The following NRXN1 variants were observed in gnomAD, a reference collection of about 807,000 sequenced individuals.
NRXN1 encodes the protein neurexin 1, also known as neurexin-1.
A neutral mutation model predicts 150.9 loss-of-function variants in NRXN1; 39 were observed. The observed-to-expected ratio is 0.26, with a 90% CI of 0.20 to 0.34. NRXN1 has a LOEUF of 0.34. Among genes scored for constraint, NRXN1 ranks in the 10% least tolerant of loss-of-function variants. NRXN1 has a pLI of 1.00. For synonymous variants in NRXN1, 924 were observed against 757.0 expected (o/e 1.22, Z -3.62); for missense variants, 1,815 against 1,949.9 (o/e 0.93, Z 1.30).
chr2:50,238,202 G>A (rs376737535), intron 17 of NRXN1, among the ~76,000 whole-genome samples: 15 of 152,076 alleles, frequency 9.9e-5, no homozygotes, highest in Admixed American at 3.3e-4. Context: ...ACCCATTTTG[G>A]TTCTATTATT....
chr2:50,151,115 A>T (rs1375488013), intron 18 of NRXN1, among the ~76,000 whole-genome samples: 1 of 151,766 alleles, frequency 6.6e-6, no homozygotes, highest in Non-Finnish European at 1.5e-5. Context: ...GAAGCTGACA[A>T]GCTGAGAGAG....
intron 21 of NRXN1, among the ~76,000 whole-genome samples, chr2:50,043,982 G>C (rs1691419535): frequency 6.6e-6 from 1 of 152,094 alleles, no homozygotes; most frequent in Admixed American, 6.6e-5. Context: ...AAAAAAGGGA[G>C]AAAGAAGAGA....
rs34515222 is a variant in NRXN1, at chr2:50,745,299, GC to G, written c.833-121685del. ...CATGCTTATTTTTATATTTATATCT[GC>G]CCCCCCCCAGGACTGAAAAAAAACC... On this transcript the variant is annotated intron_variant, in intron 5 of 22. Coordinates refer to ENST00000401669, the MANE Select transcript of NRXN1 (RefSeq NM_001330078.2). Among the ~76,000 whole-genome samples the G allele has an allele frequency of 3.6e-3, 469 of 131,514 alleles. 6 individuals carry two copies. Among genetic ancestry groups the G allele is most frequent in the Middle Eastern group, 0.032 (8 of 248 alleles). 86.3% of individuals were successfully genotyped at this position (131,514 alleles called of 152,430 possible).
chr2:50,142,691 C>T (rs1479041910), intron 18 of NRXN1, among the ~76,000 whole-genome samples: 1 of 151,486 alleles, frequency 6.6e-6, no homozygotes, highest in South Asian at 2.1e-4. Flanking sequence ...TTCCTTAATG[C>T]TAAAAAATTT....
intron 5 of NRXN1, among the ~76,000 whole-genome samples, chr2:50,636,249 T>A (rs1397748203): frequency 6.6e-6 from 1 of 152,164 alleles, no homozygotes; most frequent in Admixed American, 6.5e-5. Flanking sequence ...ATATTTGCTA[T>A]TTATTTATTT....
chr2:50,202,638 C>G (rs185731430), intron 18 of NRXN1, among the ~76,000 whole-genome samples: 1 of 152,262 alleles, frequency 6.6e-6, no homozygotes, highest in Admixed American at 6.5e-5. Flanking sequence ...CTTTGTTATC[C>G]TGCCTGACAC....
chr2:50,238,554 T>G (rs1437953651), intron 17 of NRXN1, among the ~76,000 whole-genome samples: 1 of 152,084 alleles, frequency 6.6e-6, no homozygotes, highest in Non-Finnish European at 1.5e-5. Flanking sequence ...AACATTTATG[T>G]GTAAAAGTTG....
At chr2:50,249,926 C>T (rs573256940) in intron 17 of NRXN1, among the ~76,000 whole-genome samples, 1 of 152,228 alleles carries the variant, frequency 6.6e-6, no homozygotes, top group East Asian at 1.9e-4. Flanking sequence ...GCGTGAGCCA[C>T]CGTGCCTGGC....
chr2:50,804,764 T>C (rs1667292084), intron 5 of NRXN1, among the ~76,000 whole-genome samples: 1 of 152,210 alleles, frequency 6.6e-6, no homozygotes, highest in Non-Finnish European at 1.5e-5. Context: ...AAAAGCTTTT[T>C]CTTCTACCTT....
chr2:50,076,803 G>A (rs1032384247), intron 19 of NRXN1, among the ~76,000 whole-genome samples: 1 of 152,098 alleles, frequency 6.6e-6, no homozygotes, highest in Admixed American at 6.5e-5. Context: ...ACACTATTAT[G>A]AGAATGCTTC....
chr2:50,723,031 G>A (rs531367404), intron 5 of NRXN1, among the ~76,000 whole-genome samples: 3 of 152,152 alleles, frequency 2.0e-5, no homozygotes, highest in Admixed American at 6.5e-5. Context: ...ACTTCGCTGT[G>A]TATTGTCATT....
intron 8 of NRXN1, among the ~76,000 whole-genome samples, chr2:50,563,740 G>A (rs1669457630): frequency 6.6e-6 from 1 of 152,164 alleles, no homozygotes; most frequent in South Asian, 2.1e-4. Context: ...CAGTTTTTAT[G>A]ATGGTTAATT....
chr2:50,871,643 GA>G, intron 5 of NRXN1, among the ~76,000 whole-genome samples: 1 of 151,738 alleles, frequency 6.6e-6, no homozygotes, highest in Non-Finnish European at 1.5e-5. Context: ...TATTTAAATT[GA>G]CCCTTTTTTG....
In NRXN1 at chr2:49,921,538, C is replaced by T. The variant is rs202024947; in HGVS notation, c.*406G>A. 5.8e-6 allele frequency: 1 copy of T among 171,072 alleles called. No homozygotes were observed. Among genetic ancestry groups the T allele is most frequent in the Non-Finnish European group, 1.2e-5 (1 of 80,076 alleles). 10.6% of individuals were successfully genotyped at this position (171,072 alleles called of 1,614,324 possible). Reference sequence around the variant, plus strand: ...GACTGACTTCTCAGGAAAGCGCTAGCACTTTGGCTAAATCCAGGATCATAG... The same window carrying T: ...GACTGACTTCTCAGGAAAGCGCTAGTACTTTGGCTAAATCCAGGATCATAG... On this transcript the variant is annotated 3_prime_UTR_variant, in exon 23 of 23. Transcript: ENST00000401669.
At chr2:50,801,275 AT>A (rs1467721921) in intron 5 of NRXN1, among the ~76,000 whole-genome samples, 1 of 152,158 alleles carries the variant, frequency 6.6e-6, no homozygotes, top group Non-Finnish European at 1.5e-5. Context: ...CTCAGATTCT[AT>A]TTTTTTGTTC....
chr2:50,871,946 G>A (rs1026733903), intron 5 of NRXN1, among the ~76,000 whole-genome samples: 2 of 151,692 alleles, frequency 1.3e-5, no homozygotes, highest in Admixed American at 1.3e-4. Context: ...AACAGGTCTA[G>A]GATATGCTTA....
chr2:50,441,769 T>G (rs1375317795), intron 17 of NRXN1, among the ~76,000 whole-genome samples: 1 of 152,010 alleles, frequency 6.6e-6, no homozygotes, highest in Non-Finnish European at 1.5e-5. Context: ...CTTAAAAATA[T>G]CGAAAAAATA....
chr2:49,921,971 TTTC>T lies in NRXN1; in HGVS notation c.4494_4496del (p.Lys1499del), dbSNP rs796052785. The T allele has an allele frequency of 1.9e-5, 30 of 1,614,146 alleles. No individual in the cohort carries two copies. Among genetic ancestry groups the T allele is most frequent in the Non-Finnish European group, 2.5e-5 (29 of 1,180,002 alleles). On this transcript the variant is annotated inframe_deletion, in exon 23 of 23. Coordinates refer to ENST00000401669, the MANE Select transcript of NRXN1 (RefSeq NM_001330078.2). ...AGACATAATACTCTTTATCCTTGTT[TTTC>T]TTATTTTTGTTGGAGCTTTTCGCAC...
chr2:50,537,248 T>C (rs1573451463), intron 10 of NRXN1, among the ~76,000 whole-genome samples: 1 of 152,294 alleles, frequency 6.6e-6, no homozygotes, highest in South Asian at 2.1e-4. Flanking sequence ...CAGGTAATTT[T>C]AGGCTAAATA....
Sources: allele counts gnomAD v4.1 joint callset (sites outside exome capture counted in the v4.1 genomes callset), GRCh38; gene constraint gnomAD v4.1.1; transcripts MANE v1.5; gene names NCBI Gene and HGNC (gene_info 2026-07-23, HGNC 2026-07-21).